The following ZNF735 variants were observed in gnomAD, a reference collection of about 807,000 sequenced individuals.
ZNF735 encodes the protein zinc finger protein 735.
A neutral mutation model predicts 13.4 loss-of-function variants in ZNF735; 11 were observed. The ratio of observed to expected loss-of-function variants is 0.82; its 90% CI spans 0.52 to 1.36. The LOEUF is 1.36. ZNF735 is among the 40% of genes most tolerant of loss of function. The probability of loss-of-function intolerance (pLI) is 0.00; values close to 1 mark genes in which losing one functional copy is unlikely to be tolerated. For missense variants in ZNF735, 500 were observed against 484.6 expected, an observed-to-expected ratio of 1.03 and a Z score of -0.30; for synonymous variants, 171 against 162.6, an observed-to-expected ratio of 1.05 and a Z score of -0.39.
chr7:64,219,686 C>T, exon 4 of ZNF735: 2 of 1,588,088 alleles, frequency 1.3e-6, no homozygotes, highest in Non-Finnish European at 1.7e-6. Context: ...AAGGAGAAGT[C>T]CTACAAATGT....
intron 3 of ZNF735, among the ~76,000 whole-genome samples, chr7:64,216,313 A>G (rs553134390): frequency 6.6e-5 from 10 of 152,206 alleles, no homozygotes; most frequent in African/African-American, 1.9e-4. Flanking sequence ...AAAAAATTTA[A>G]ACAATATTTC....
At chr7:64,214,176 T>C in intron 3 of ZNF735, 68 bp downstream of exon 3, 1 of 1,514,664 alleles carries the variant, frequency 6.6e-7, no homozygotes, top group East Asian at 2.3e-5. Context: ...TAGCCAGTCT[T>C]TAAAATGTGG....
At chr7:64,220,096 G>A (rs1250526751) in exon 4 of ZNF735, 1 of 1,613,578 alleles carries the variant, frequency 6.2e-7, no homozygotes, top group Non-Finnish European at 8.5e-7. Context: ...AATTCATACT[G>A]GAGAGAAACC....
chr7:64,213,761 C>T (rs1264230086), intron 2 of ZNF735, among the ~76,000 whole-genome samples: 2 of 152,006 alleles, frequency 1.3e-5, no homozygotes, highest in Non-Finnish European at 2.9e-5. Context: ...GAGTTCGAGA[C>T]CAGCCTGGCT....
In ZNF735 at chr7:64,213,756, C is replaced by T. The variant is rs564254636; in HGVS notation, c.167-257C>T. On this transcript the variant is annotated intron_variant, in intron 2 of 3. Coordinates refer to ENST00000429565, the Ensembl canonical transcript of ZNF735. ...CAGGCAGATCACAAGGTCAGGAGTTCGAGACCAGCCTGGCTAATATGGTGA... is the reference window on the plus strand; with the variant it reads ...CAGGCAGATCACAAGGTCAGGAGTTTGAGACCAGCCTGGCTAATATGGTGA... 4.2e-4 allele frequency among the ~76,000 whole-genome samples: 64 copies of T among 152,124 alleles called. 1 individual carries two copies. The highest frequency in any genetic ancestry group is 1.5e-3 in the African/African-American group (62 of 41,510).
At chr7:64,208,257 T>C (rs1429441345) in intron 1 of ZNF735, among the ~76,000 whole-genome samples, 5 of 60,354 alleles carry the variant, frequency 8.3e-5, no homozygotes, top group East Asian at 4.8e-4. Flanking sequence ...TTTTTTTTTT[T>C]TTTTTTTTTT....
chr7:64,212,379 C>T (rs1787370704), intron 1 of ZNF735, among the ~76,000 whole-genome samples: 1 of 152,194 alleles, frequency 6.6e-6, no homozygotes. Flanking sequence ...AATCTCACAA[C>T]AAAATATTTA....
chr7:64,219,873 T>C, exon 4 of ZNF735: 1 of 1,613,932 alleles, frequency 6.2e-7, no homozygotes. Context: ...GTGAAGAATG[T>C]GGCCAAGCCT....
intron 1 of ZNF735, among the ~76,000 whole-genome samples, chr7:64,208,471 G>T (rs1359501214): frequency 2.6e-5 from 4 of 151,756 alleles, no homozygotes; most frequent in Non-Finnish European, 5.9e-5. Flanking sequence ...TGGCCAGGTT[G>T]GTCTCGAACT....
chr7:64,212,951 T>C, intron 1 of ZNF735, 141 bp from the exon 2 acceptor site: 1 of 855,618 alleles, frequency 1.2e-6, no homozygotes, highest in Non-Finnish European at 1.8e-6. Context: ...TTAAAAATTA[T>C]CTTACTGAGT....
At chr7:64,214,258 T>G in intron 3 of ZNF735, 150 bp downstream of exon 3, 1 of 892,748 alleles carries the variant, frequency 1.1e-6, no homozygotes, top group Non-Finnish European at 1.6e-6. Flanking sequence ...ATTTTTTTTA[T>G]TTTTTTGCTC....
At chr7:64,211,179 C>A (rs1787355833) in intron 1 of ZNF735, among the ~76,000 whole-genome samples, 1 of 152,106 alleles carries the variant, frequency 6.6e-6, no homozygotes, top group African/African-American at 2.4e-5. Flanking sequence ...TTCTCTTCAT[C>A]TTGGATTCTT....
At position 64,211,894 on chromosome 7, in the gene ZNF735, T is replaced by A. The variant is rs199613544; in HGVS notation, c.40-1198T>A. ...AAAAAAAGAAAAAAGAAAAAAAATA[T>A]ATATATATATATATTTATTTATTTA... On this transcript the variant is annotated intron_variant, in intron 1 of 3. Transcript: ENST00000429565. Among the ~76,000 whole-genome samples, 698 of 72,648 alleles carry A rather than the reference T, an allele frequency of 9.6e-3. 4 individuals are homozygous for A. Among genetic ancestry groups the A allele is most frequent in the Admixed American group, 0.041 (311 of 7,676 alleles). 47.7% of individuals were successfully genotyped at this position (72,648 alleles called of 152,430 possible).
intron 1 of ZNF735, among the ~76,000 whole-genome samples, chr7:64,209,978 T>C (rs1346796828): frequency 6.6e-6 from 1 of 152,198 alleles, no homozygotes; most frequent in Non-Finnish European, 1.5e-5. Flanking sequence ...ATGTTTTTTG[T>C]ATTGAATTAT....
At chr7:64,211,286 G>A (rs1787357003) in intron 1 of ZNF735, among the ~76,000 whole-genome samples, 1 of 152,120 alleles carries the variant, frequency 6.6e-6, no homozygotes, top group South Asian at 2.1e-4. Flanking sequence ...AAATACTCAA[G>A]ATTTCTATTG....
intron 1 of ZNF735, among the ~76,000 whole-genome samples, chr7:64,211,935 T>C (rs1034084560): frequency 1.3e-5 from 2 of 151,034 alleles, no homozygotes; most frequent in African/African-American, 4.8e-5. Context: ...AGTTATAATT[T>C]ACTTTTCTGA....
At chr7:64,219,370 C>G in exon 4 of ZNF735, 1 of 1,613,804 alleles carries the variant, frequency 6.2e-7, no homozygotes, top group Non-Finnish European at 8.5e-7. Flanking sequence ...AAAAGATTCA[C>G]TCCAAAAAGT....
Position 64,214,003 on chromosome 7 carries a change from A to G in ZNF735, c.167-10A>G, listed in dbSNP as rs1304522136. 1 of 1,579,454 alleles carries G rather than the reference A, an allele frequency of 6.3e-7. No homozygotes were observed. The highest frequency in any genetic ancestry group is 8.5e-7 in the Non-Finnish European group (1 of 1,172,470). On this transcript the variant is annotated splice_polypyrimidine_tract_variant and intron_variant, in intron 2 of 3. Transcript: ENST00000429565. ...AAGATTTAAGTTACTTTTTTTTCTT[A>G]ATAAAACAGGTATGACTGTCTCTAA... is the stretch of plus-strand genomic sequence containing the variant.
chr7:64,208,399 G>C lies in ZNF735; in HGVS notation c.39+1158G>C, dbSNP rs117654574. ...AGCCTCCCGAGTAGCTGGAATTACA[G>C]GTGTAGGCCACCACGCCCAACTAAT... On this transcript the variant is annotated intron_variant, in intron 1 of 3. Transcript: ENST00000429565. Among the ~76,000 whole-genome samples the C allele has an allele frequency of 2.1e-3, 324 of 151,868 alleles. 11 individuals carry two copies. The highest frequency in any genetic ancestry group is 0.015 in the Admixed American group (236 of 15,250).
Sources: allele counts gnomAD v4.1 joint callset (sites outside exome capture counted in the v4.1 genomes callset), GRCh38; gene constraint gnomAD v4.1.1; transcripts MANE v1.5; gene names NCBI Gene and HGNC (gene_info 2026-07-23, HGNC 2026-07-21).